Variants in GRIK4 observed in about 807,000 individuals in gnomAD.
The protein encoded by GRIK4 is glutamate receptor ionotropic, kainate 4.
A neutral mutation model predicts 104.9 loss-of-function variants in GRIK4; 40 were observed. The ratio of observed to expected loss-of-function variants is 0.38; its 90% CI spans 0.30 to 0.50. GRIK4 has a LOEUF of 0.50. Among genes scored for constraint, GRIK4 ranks in the 20% least tolerant of loss-of-function variants. The probability of loss-of-function intolerance (pLI) is 0.93; values close to 1 mark genes in which losing one functional copy is unlikely to be tolerated. For synonymous variants in GRIK4, 485 were observed against 524.9 expected, an observed-to-expected ratio of 0.92 and a Z score of 1.04; for missense variants, 1,047 against 1,308.1, an observed-to-expected ratio of 0.80 and a Z score of 3.08.
chr11:120,632,339 C>T (rs1949342379), intron 1 of GRIK4, among the ~76,000 whole-genome samples: 1 of 152,152 alleles, frequency 6.6e-6, no homozygotes. Flanking sequence ...TTATAAACCA[C>T]CTCAAACTAC....
intron 3 of GRIK4, among the ~76,000 whole-genome samples, chr11:120,705,232 C>CTTTTT (rs902505786): frequency 2.9e-5 from 4 of 139,076 alleles, no homozygotes; most frequent in Admixed American, 7.4e-5. Context: ...TCTTTCTTTT[C>CTTTTT]TTTTTTTTTT....
At chr11:120,964,904 A>G (rs1187431059) in intron 18 of GRIK4, among the ~76,000 whole-genome samples, 1 of 152,182 alleles carries the variant, frequency 6.6e-6, no homozygotes, top group Non-Finnish European at 1.5e-5. Flanking sequence ...TCTCCAGTCC[A>G]GTAATTCATT....
intron 3 of GRIK4, among the ~76,000 whole-genome samples, chr11:120,762,043 A>G (rs1951760289): frequency 6.6e-6 from 1 of 152,096 alleles, no homozygotes; most frequent in Admixed American, 6.5e-5. Context: ...TTTGGGTAGT[A>G]TGGCCATTTT....
intron 3 of GRIK4, among the ~76,000 whole-genome samples, chr11:120,714,207 A>G (rs955395971): frequency 2.6e-5 from 4 of 152,208 alleles, no homozygotes; most frequent in Admixed American, 1.3e-4. Context: ...CGGTGACTTT[A>G]ATAATGTCGG....
intron 8 of GRIK4, among the ~76,000 whole-genome samples, chr11:120,857,852 C>T (rs1954154142): frequency 6.6e-6 from 1 of 152,168 alleles, no homozygotes; most frequent in African/African-American, 2.4e-5. Context: ...CCTGGAAACA[C>T]ACAGCCCCCT....
chr11:120,883,980 A>G (rs757791155), intron 11 of GRIK4, among the ~76,000 whole-genome samples: 1 of 152,216 alleles, frequency 6.6e-6, no homozygotes, highest in Non-Finnish European at 1.5e-5. Context: ...GCCACCGGCC[A>G]GAGGTGTGGG....
intron 1 of GRIK4, among the ~76,000 whole-genome samples, chr11:120,616,778 C>G (rs904816602): frequency 1.3e-5 from 2 of 152,200 alleles, no homozygotes; most frequent in African/African-American, 4.8e-5. Context: ...CAAGATAACC[C>G]TTTTGTCTCA....
chr11:120,838,746 T>C (rs1014540338), intron 8 of GRIK4, among the ~76,000 whole-genome samples: 19 of 152,090 alleles, frequency 1.2e-4, no homozygotes, highest in African/African-American at 4.6e-4. Context: ...GTGTTTTTTT[T>C]GTTTGTTTGC....
chr11:120,965,139 G>A (rs1463099414), intron 18 of GRIK4, among the ~76,000 whole-genome samples: 1 of 152,212 alleles, frequency 6.6e-6, no homozygotes, highest in East Asian at 1.9e-4. Context: ...AAGCAATGTG[G>A]TTAGACCCAG....
At chr11:120,797,293 C>T (rs1206356689) in intron 3 of GRIK4, among the ~76,000 whole-genome samples, 3 of 152,110 alleles carry the variant, frequency 2.0e-5, no homozygotes, top group Admixed American at 6.5e-5. Flanking sequence ...GAGGATGTGC[C>T]GTATCATATT....
chr11:120,708,857 C>G (rs113114808), intron 3 of GRIK4, among the ~76,000 whole-genome samples: 280 of 152,274 alleles, frequency 1.8e-3, no homozygotes, highest in African/African-American at 6.2e-3. Flanking sequence ...CCTCTTACCC[C>G]CTCCCGTGCT....
chr11:120,909,070 T>C (rs1942935514), intron 13 of GRIK4, among the ~76,000 whole-genome samples: 1 of 152,060 alleles, frequency 6.6e-6, no homozygotes, highest in South Asian at 2.1e-4. Flanking sequence ...AATACAAAGG[T>C]CAGCCAGAGC....
chr11:120,618,902 C>T (rs755558748), intron 1 of GRIK4, among the ~76,000 whole-genome samples: 4 of 152,194 alleles, frequency 2.6e-5, no homozygotes, highest in Admixed American at 6.5e-5. Flanking sequence ...AGAACCTCTA[C>T]GAGGGCAGCA....
rs1944761885 is a variant in GRIK4, at chr11:120,986,715, T to G, written c.*455T>G. ...GTTTTTCTTTTCTGGATTTGTATATTTTTGTTAATGTTCTTTTCCCTTTTC... is the reference window on the plus strand; with the variant it reads ...GTTTTTCTTTTCTGGATTTGTATATGTTTGTTAATGTTCTTTTCCCTTTTC... On this transcript the variant is annotated 3_prime_UTR_variant, in exon 21 of 21. Transcript: ENST00000527524. 6.5e-6 allele frequency: 1 copy of G among 154,086 alleles called. No individual in the cohort carries two copies. Among genetic ancestry groups the G allele is most frequent in the South Asian group, 2.1e-4 (1 of 4,842 alleles). The allele number at this position is 154,086 out of a possible 1,614,324, so 9.5% of individuals were successfully genotyped here.
intron 1 of GRIK4, among the ~76,000 whole-genome samples, chr11:120,559,155 G>A (rs1007766353): frequency 3.5e-4 from 53 of 152,298 alleles, no homozygotes; most frequent in African/African-American, 1.3e-3. Context: ...GCATAGCAAA[G>A]GCCTGCTGAG....
intron 2 of GRIK4, among the ~76,000 whole-genome samples, chr11:120,657,950 A>C (rs531650675): frequency 6.6e-6 from 1 of 152,248 alleles, no homozygotes; most frequent in African/African-American, 2.4e-5. Flanking sequence ...CATCACCAGC[A>C]CTGGGGAGTC....
At chr11:120,930,002 T>G (rs1400823244) in intron 13 of GRIK4, among the ~76,000 whole-genome samples, 1 of 150,280 alleles carries the variant, frequency 6.7e-6, no homozygotes, top group African/African-American at 2.5e-5. Context: ...AGGCCACGTT[T>G]GGGGGGGGGG....
At chr11:120,544,310 A>G (rs921077491) in intron 1 of GRIK4, among the ~76,000 whole-genome samples, 1 of 152,266 alleles carries the variant, frequency 6.6e-6, no homozygotes, top group Admixed American at 6.5e-5. Context: ...ATACCTTAAC[A>G]AAGTGGTTAA....
chr11:120,961,223 C>A, intron 17 of GRIK4, 149 bp downstream of exon 17: 2 of 719,040 alleles, frequency 2.8e-6, no homozygotes, highest in Admixed American at 3.2e-5. Flanking sequence ...CATTTATCTG[C>A]TGCTCCACAA....
Sources: allele counts gnomAD v4.1 joint callset (sites outside exome capture counted in the v4.1 genomes callset), GRCh38; gene constraint gnomAD v4.1.1; transcripts MANE v1.5; gene names NCBI Gene and HGNC (gene_info 2026-07-23, HGNC 2026-07-21).